Variants in NBAS observed in about 807,000 individuals in gnomAD.
NBAS encodes the protein NAG/BC035112 fusion.
A neutral mutation model predicts 302.5 loss-of-function variants in NBAS; 219 were observed. That is an observed-to-expected ratio of 0.72 (90% CI 0.65 to 0.81). The LOEUF (loss-of-function observed/expected upper bound fraction) is 0.81. NBAS is among the 30% of genes least tolerant of loss of function. The pLI is 0.00. For missense variants in NBAS, 2,932 were observed against 2,841.6 expected (o/e 1.03, Z -0.72); for synonymous variants, 1,118 against 1,021.6 (o/e 1.09, Z -1.80).
At chr2:15,006,334 G>A in the NBAS span, among the ~76,000 whole-genome samples, 2 of 152,140 alleles carry the variant, frequency 1.3e-5, no homozygotes, top group Non-Finnish European at 2.9e-5. Flanking sequence ...TATGCACGAT[G>A]ATGTTCATTA....
the NBAS span, among the ~76,000 whole-genome samples, chr2:15,107,479 G>T: frequency 6.6e-6 from 1 of 152,088 alleles, no homozygotes. Context: ...TTGGAAGCTG[G>T]CTAGAGGATA....
rs762484531 is a variant in NBAS, at chr2:15,353,701, T to C, written c.3941A>G (p.Lys1314Arg). The C allele has an allele frequency of 5.0e-6, 8 of 1,613,940 alleles. No homozygotes were observed. The highest frequency in any genetic ancestry group is 6.8e-6 in the Non-Finnish European group (8 of 1,179,902). Residue 1314 changes from lysine to arginine, a missense_variant, in exon 34 of 52, where the codon AAA becomes AGA. Coordinates refer to ENST00000281513, the MANE Select transcript of NBAS (RefSeq NM_015909.4). ...TAACTGGCTACAAACATCCCAACTT[T>C]TAGGATAACCTGCAAAATTGGCAAG... is the stretch of plus-strand genomic sequence containing the variant. ...CQELMATGYP[K>R]SWDVCSQLGQ...
chr2:14,800,791 G>GT, the NBAS span, among the ~76,000 whole-genome samples: 23,532 of 137,810 alleles, frequency 0.17, 2,737 homozygotes, highest in African/African-American at 0.33. Flanking sequence ...AATTGTTTTT[G>GT]TTTTTTTTTT....
chr2:15,143,901 C>T, the NBAS span, among the ~76,000 whole-genome samples: 3 of 151,574 alleles, frequency 2.0e-5, no homozygotes, highest in Admixed American at 2.0e-4. Context: ...GTGCTGAATG[C>T]TTCCTGCCCT....
At chr2:15,195,850 A>C (rs1275860744) in intron 48 of NBAS, among the ~76,000 whole-genome samples, 1 of 152,178 alleles carries the variant, frequency 6.6e-6, no homozygotes, top group South Asian at 2.1e-4. Context: ...AGAATGGCTC[A>C]AGTGAGCATG....
chr2:15,378,815 G>C (rs553148042), intron 30 of NBAS, among the ~76,000 whole-genome samples: 3 of 152,120 alleles, frequency 2.0e-5, no homozygotes, highest in Non-Finnish European at 2.9e-5. Flanking sequence ...TTAAGTTGGG[G>C]ACTGTCTGTA....
chr2:15,465,325 C>T (rs1679678185), intron 19 of NBAS, among the ~76,000 whole-genome samples: 1 of 152,156 alleles, frequency 6.6e-6, no homozygotes, highest in African/African-American at 2.4e-5. Context: ...CTATTACTTC[C>T]TATGTGGAGT....
the NBAS span, among the ~76,000 whole-genome samples, chr2:14,914,876 T>C: frequency 2.6e-5 from 4 of 152,314 alleles, no homozygotes; most frequent in South Asian, 4.1e-4. Flanking sequence ...GTAGCTTGAA[T>C]TGGAGATATC....
intron 44 of NBAS, among the ~76,000 whole-genome samples, chr2:15,264,021 T>TC (rs757472226): frequency 1.3e-5 from 2 of 152,182 alleles, no homozygotes; most frequent in Non-Finnish European, 2.9e-5. Flanking sequence ...AGGAGATAAA[T>TC]CTGTCTGTAA....
At chr2:14,883,959 A>G in the NBAS span, among the ~76,000 whole-genome samples, 2 of 149,322 alleles carry the variant, frequency 1.3e-5, no homozygotes, top group African/African-American at 5.0e-5. Flanking sequence ...GTGACATAGT[A>G]AGACCTTCTC....
intron 35 of NBAS, among the ~76,000 whole-genome samples, chr2:15,332,713 C>T (rs1053854546): frequency 6.6e-6 from 1 of 151,968 alleles, no homozygotes; most frequent in African/African-American, 2.4e-5. Flanking sequence ...ACTATCAGGG[C>T]AACAATGCAA....
At chr2:15,157,722 C>A in the NBAS span, among the ~76,000 whole-genome samples, 2 of 152,164 alleles carry the variant, frequency 1.3e-5, no homozygotes, top group Non-Finnish European at 2.9e-5. Context: ...CCTGTCATGA[C>A]AACTGGGAGC....
chr2:15,461,839 T>C lies in NBAS; in HGVS notation c.2098-48A>G, dbSNP rs767915313. On this transcript the variant is annotated intron_variant, in intron 19 of 51. Coordinates refer to ENST00000281513, the MANE Select transcript of NBAS (RefSeq NM_015909.4). Reference sequence around the variant, plus strand: ...GTGATTTAATGAAAAGGCTTTTAAATATGGGTGACAAGAAAATATTAAAAA... The same window carrying C: ...GTGATTTAATGAAAAGGCTTTTAAACATGGGTGACAAGAAAATATTAAAAA... The C allele has an allele frequency of 3.9e-6, 4 of 1,026,304 alleles. No individual in the cohort carries two copies. In the Admixed American group the frequency reaches 7.5e-5, roughly 19 times the overall value. The allele number at this position is 1,026,304 out of a possible 1,614,324, so 63.6% of individuals were successfully genotyped here. A position where few individuals can be genotyped will look rare whatever the true frequency, so the allele number is the denominator to read the frequency against.
At chr2:15,335,115 C>A (rs925831955) in intron 35 of NBAS, among the ~76,000 whole-genome samples, 2 of 144,870 alleles carry the variant, frequency 1.4e-5, no homozygotes, top group Non-Finnish European at 3.0e-5. Flanking sequence ...AGTGGGAGGA[C>A]GGCTTGAGGC....
the NBAS span, among the ~76,000 whole-genome samples, chr2:14,878,022 C>T: frequency 3.3e-5 from 5 of 152,296 alleles, no homozygotes; most frequent in Admixed American, 3.3e-4. Context: ...CAGCGCATTT[C>T]CCCAACCCAT....
At chr2:15,403,788 C>A (rs945251974) in intron 25 of NBAS, among the ~76,000 whole-genome samples, 15 of 151,890 alleles carry the variant, frequency 9.9e-5, no homozygotes, top group African/African-American at 3.6e-4. Flanking sequence ...TAGGAACAAG[C>A]TGACAGTAAT....
intron 35 of NBAS, among the ~76,000 whole-genome samples, chr2:15,346,282 T>C (rs1407429041): frequency 1.3e-5 from 2 of 151,932 alleles, no homozygotes; most frequent in Non-Finnish European, 2.9e-5. Flanking sequence ...ATATCCAGAA[T>C]TTACAAGAAA....
the NBAS span, among the ~76,000 whole-genome samples, chr2:14,789,000 T>C: frequency 6.6e-6 from 1 of 152,250 alleles, no homozygotes; most frequent in Non-Finnish European, 1.5e-5. Flanking sequence ...TGGAGCTTCC[T>C]GGCTGCTTTG....
At chr2:14,879,993 G>A in the NBAS span, among the ~76,000 whole-genome samples, 1 of 152,306 alleles carries the variant, frequency 6.6e-6, no homozygotes, top group Middle Eastern at 3.4e-3. Context: ...AAAGGAGGCA[G>A]TCTTGGAAAA....
Sources: gnomAD v4.1 joint callset for allele counts (sites outside exome capture counted in the v4.1 genomes callset) on GRCh38, gnomAD v4.1.1 for gene constraint, MANE v1.5 for transcripts, NCBI Gene and HGNC (gene_info 2026-07-23, HGNC 2026-07-21) for gene names.